HECTD4: variants seen among roughly 807,000 people sequenced by gnomAD.
HECTD4 encodes probable E3 ubiquitin-protein ligase HECTD4.
A neutral mutation model predicts 471.5 loss-of-function variants in HECTD4; 114 were observed. That is an observed-to-expected ratio of 0.24 (90% confidence interval 0.21 to 0.28). The LOEUF is 0.28. HECTD4 is among the 10% of genes least tolerant of loss of function. The pLI, the probability that HECTD4 is intolerant of heterozygous loss-of-function variation, is 1.00. For synonymous variants in HECTD4, 2,012 were observed against 2,256.0 expected (o/e 0.89, Z 3.07); for missense variants, 3,866 against 5,651.5 (o/e 0.68, Z 10.13).
chr12:112,204,708 A>T, intron 52 of HECTD4, 85 bp from the exon 53 acceptor site: 1 of 1,056,266 alleles, frequency 9.5e-7, no homozygotes, highest in Non-Finnish European at 1.4e-6. Context: ...GAGTGAAATG[A>T]TAAGGGAATC....
intron 40 of HECTD4, 40 bp from the exon 41 acceptor site, chr12:112,229,920 T>G: frequency 6.4e-7 from 1 of 1,550,896 alleles, no homozygotes; most frequent in Non-Finnish European, 8.8e-7. Flanking sequence ...AGTTAAAGCT[T>G]TGGTTGTTTT....
At position 112,235,344 on chromosome 12, in the gene HECTD4, T is replaced by G. The variant is rs2033475845; in HGVS notation, c.5726-78A>C. 3 of 1,513,880 alleles carry G rather than the reference T, an allele frequency of 2.0e-6. No individual in the cohort carries two copies. The South Asian group carries it at 3.9e-5, about 20-fold the overall frequency. The allele number at this position is 1,513,880 out of a possible 1,614,324, so 93.8% of individuals were successfully genotyped here. ...GCTCTGCTAAAATGAAAAATAATGGTTTGGGATTTGGAATCTTTCTTCCCC... is the reference window on the plus strand; with the variant it reads ...GCTCTGCTAAAATGAAAAATAATGGGTTGGGATTTGGAATCTTTCTTCCCC... On this transcript the variant is annotated intron_variant, in intron 36 of 75. Coordinates refer to ENST00000682272, the MANE Select transcript of HECTD4 (RefSeq NM_001388303.1). This position sits in a 1 kb window ranked among gnomAD's most constrained non-coding sequence, Gnocchi z 5.0.
intron 49 of HECTD4, among the ~76,000 whole-genome samples, chr12:112,210,887 G>C (rs1405127337): frequency 1.3e-5 from 2 of 152,234 alleles, no homozygotes; most frequent in African/African-American, 2.4e-5. Flanking sequence ...GCTTGACATA[G>C]AGTAAGTATT....
At position 112,173,465 on chromosome 12, in the gene HECTD4, C is replaced by T. The variant is rs1452610807; in HGVS notation, c.11595-604G>A. On this transcript the variant is annotated intron_variant, in intron 66 of 75. Transcript: ENST00000682272. This position sits in a 1 kb window ranked among gnomAD's most constrained non-coding sequence, Gnocchi z 4.3. Reference sequence around the variant, plus strand: ...AGTGCAGTGGTGCGATCTCAGCTCACTGCAAGCTCTGCCTCCTGGGTTCAC... The same window carrying T: ...AGTGCAGTGGTGCGATCTCAGCTCATTGCAAGCTCTGCCTCCTGGGTTCAC... 6.6e-6 allele frequency among the ~76,000 whole-genome samples: 1 copy of T among 152,144 alleles called. No individual in the cohort carries two copies. The highest frequency in any genetic ancestry group is 1.9e-4 in the East Asian group (1 of 5,192).
intron 1 of HECTD4, among the ~76,000 whole-genome samples, chr12:112,348,238 A>G (rs1461004510): frequency 6.6e-6 from 1 of 152,186 alleles, no homozygotes; most frequent in Non-Finnish European, 1.5e-5. Flanking sequence ...AGGAGCATAT[A>G]CTTTATCTGG....
At chr12:112,326,373 G>A (rs939577962) in intron 1 of HECTD4, among the ~76,000 whole-genome samples, 3 of 152,030 alleles carry the variant, frequency 2.0e-5, no homozygotes, top group Non-Finnish European at 4.4e-5. Flanking sequence ...TGCACCTATA[G>A]TCCCAGCTAC....
At position 112,382,368 on chromosome 12, in the gene HECTD4, GC is replaced by G; in HGVS notation, c.-241del. ...GCCGCCGCCGCCGCCGCCCTCAGGAGCAGGATCCGCCTCTGCCGCTCGGCAA... is the reference window on the plus strand; with the variant it reads ...GCCGCCGCCGCCGCCGCCCTCAGGAGAGGATCCGCCTCTGCCGCTCGGCAA... On this transcript the variant is annotated 5_prime_UTR_variant, in exon 1 of 76. Transcript: ENST00000682272. 2.7e-6 allele frequency: 1 copy of G among 368,990 alleles called. No homozygotes were observed. The highest frequency in any genetic ancestry group is 4.5e-5 in the South Asian group (1 of 22,188). 22.9% of individuals were successfully genotyped at this position (368,990 alleles called of 1,614,324 possible).
At position 112,231,590 on chromosome 12, in the gene HECTD4, C is replaced by G; in HGVS notation, c.6123G>C (p.Val2041=). The G allele has an allele frequency of 6.2e-7, 1 of 1,613,986 alleles. No homozygotes were observed. ...TTTTGTCGCCTGTGGATAGTCCACT[C>G]ACAGTCTCTGGGTTGATAGACTCTA... ...PPVESINPET[V]SGLSTGDKKK... Residue 2041 remains valine, a synonymous_variant, in exon 39 of 76, where the codon GTG becomes GTC. Coordinates refer to ENST00000682272, the MANE Select transcript of HECTD4 (RefSeq NM_001388303.1).
At position 112,219,641 on chromosome 12, in the gene HECTD4, C is replaced by T. The variant is rs907707099; in HGVS notation, c.6971-152G>A. 6 of 530,820 alleles carry T rather than the reference C, an allele frequency of 1.1e-5. No homozygotes were observed. The African/African-American group carries it at 1.2e-4, about 10-fold the overall frequency. 32.9% of individuals were successfully genotyped at this position (530,820 alleles called of 1,614,324 possible). A position where few individuals can be genotyped will look rare whatever the true frequency, so the allele number is the denominator to read the frequency against. Reference sequence around the variant, plus strand: ...TTGAGACAGAGTTTCGTTCTATTGCCCAGGCTGGAGTGCAGTGGCGCGGTC... The same window carrying T: ...TTGAGACAGAGTTTCGTTCTATTGCTCAGGCTGGAGTGCAGTGGCGCGGTC... On this transcript the variant is annotated intron_variant, in intron 44 of 75. Transcript: ENST00000682272.
chr12:112,221,366 A>C (rs2033089973), intron 44 of HECTD4, among the ~76,000 whole-genome samples: 1 of 152,096 alleles, frequency 6.6e-6, no homozygotes, highest in Non-Finnish European at 1.5e-5. Context: ...TTCCCACCTC[A>C]GCCTCCCGAG....
chr12:112,376,382 G>A (rs902718519), intron 1 of HECTD4, among the ~76,000 whole-genome samples: 5 of 152,088 alleles, frequency 3.3e-5, no homozygotes, highest in African/African-American at 4.8e-5. Context: ...GAGTAGCTGG[G>A]ACTACAGGCG....
chr12:112,345,742 A>G (rs2036136546), intron 1 of HECTD4, among the ~76,000 whole-genome samples: 1 of 152,096 alleles, frequency 6.6e-6, no homozygotes, highest in Non-Finnish European at 1.5e-5. Context: ...AAAAATACAA[A>G]AAATTAGCCG....
At chr12:112,282,579 G>A (rs1219603897) in intron 8 of HECTD4, among the ~76,000 whole-genome samples, 1 of 152,108 alleles carries the variant, frequency 6.6e-6, no homozygotes, top group Non-Finnish European at 1.5e-5. Flanking sequence ...GGGGTAGGGT[G>A]GGGTCACAAT....
At position 112,216,884 on chromosome 12, in the gene HECTD4, T is replaced by C. The variant is rs151140008; in HGVS notation, c.7274A>G (p.Tyr2425Cys). Residue 2425 changes from tyrosine (Y) to cysteine (C), a missense_variant, in exon 47 of 76, where the codon TAT becomes TGT. Transcript: ENST00000682272. ...TCCGGTGTCATCATCGGTGTCTCCA[T>C]AGGAAACGATTTCAATTTCCCAGTA... is the stretch of plus-strand genomic sequence containing the variant. ...SFYWEIEIVS[Y>C]GDTDDDTGPI... The C allele has an allele frequency of 5.0e-6, 8 of 1,614,006 alleles. No homozygotes were observed. The highest frequency in any genetic ancestry group is 3.3e-5 in the Admixed American group (2 of 60,022).
At chr12:112,281,480 C>G (rs1425060574) in intron 8 of HECTD4, among the ~76,000 whole-genome samples, 2 of 152,078 alleles carry the variant, frequency 1.3e-5, no homozygotes, top group Non-Finnish European at 2.9e-5. Context: ...TTCATTTTCT[C>G]CCAAGGGACA....
chr12:112,181,094 G>A (rs1247560168), intron 62 of HECTD4, among the ~76,000 whole-genome samples: 1 of 151,672 alleles, frequency 6.6e-6, no homozygotes, highest in Non-Finnish European at 1.5e-5. Context: ...CTTGAACCCG[G>A]GAGGTGGAGG....
At chr12:112,263,171 C>G (rs181406361) in intron 17 of HECTD4, among the ~76,000 whole-genome samples, 38 of 152,242 alleles carry the variant, frequency 2.5e-4, no homozygotes, top group Non-Finnish European at 4.6e-4. Flanking sequence ...TTATCAACAA[C>G]TTAAATTAAA....
chr12:112,219,854 C>T (rs949248560), intron 44 of HECTD4, among the ~76,000 whole-genome samples: 2 of 152,178 alleles, frequency 1.3e-5, no homozygotes, highest in Admixed American at 1.3e-4. Flanking sequence ...CCTGCCTCAG[C>T]CTCCCAAAGT....
At position 112,162,394 on chromosome 12, in the gene HECTD4, C is replaced by T. The variant is rs2030722635; in HGVS notation, c.13250G>A (p.Ser4417Asn). ...CAIHYREDPL[S>N]G ...TTCTGGGGCTCCCTCCCATCAGCCACTGAGGGGGTCTTCACGGTAGTGAAT... is the reference window on the plus strand; with the variant it reads ...TTCTGGGGCTCCCTCCCATCAGCCATTGAGGGGGTCTTCACGGTAGTGAAT... Residue 4417 changes from serine to asparagine, a missense_variant, in exon 76 of 76, where the codon AGT becomes AAT. This residue lies in a region of HECTD4 where 715 missense variants were observed against 1,087.6 expected (regional missense o/e 0.66). Coordinates refer to ENST00000682272, the MANE Select transcript of HECTD4 (RefSeq NM_001388303.1). This position sits in a 1 kb window ranked among gnomAD's most constrained non-coding sequence, Gnocchi z 5.2. 1 of 1,614,004 alleles carries T rather than the reference C, an allele frequency of 6.2e-7. No individual in the cohort carries two copies. Among genetic ancestry groups the T allele is most frequent in the South Asian group, 1.1e-5 (1 of 91,088 alleles).
Sources: gnomAD v4.1 joint callset for allele counts (sites outside exome capture counted in the v4.1 genomes callset) on GRCh38, gnomAD v4.1.1 for gene constraint, gnomAD v4.1.1 regional missense constraint, Gnocchi (gnomAD v3.1) non-coding constraint, MANE v1.5 for transcripts, NCBI Gene and HGNC (gene_info 2026-07-23, HGNC 2026-07-21) for gene names.